Variants in ZNF608 observed in about 807,000 individuals in gnomAD.
The protein encoded by ZNF608 is zinc finger protein 608.
Under a neutral mutation model 109.0 loss-of-function variants are expected in ZNF608, and 12 were observed. The ratio of observed to expected loss-of-function variants is 0.11; its 90% CI spans 0.07 to 0.18. The LOEUF (loss-of-function observed/expected upper bound fraction) is 0.18. Ranked by LOEUF, ZNF608 falls within the 10% of genes least tolerant of loss-of-function variation. ZNF608 has a pLI of 1.00. For missense variants in ZNF608, 1,707 were observed against 1,879.3 expected, an observed-to-expected ratio of 0.91 and a Z score of 1.70; for synonymous variants, 732 against 717.4, an observed-to-expected ratio of 1.02 and a Z score of -0.33.
At chr5:124,694,244 C>T (rs1580639512) in intron 3 of ZNF608, among the ~76,000 whole-genome samples, 1 of 148,234 alleles carries the variant, frequency 6.7e-6, no homozygotes, top group African/African-American at 2.5e-5. Flanking sequence ...CCGCCCGCCT[C>T]GGCCTCCCAA....
chr5:124,744,855 T>C lies in ZNF608; in HGVS notation c.135A>G (p.Arg45=). 3 of 1,614,216 alleles carry C rather than the reference T, an allele frequency of 1.9e-6. No individual in the cohort carries two copies. The highest frequency in any genetic ancestry group is 1.1e-5 in the South Asian group (1 of 91,086). ...IDLDADLEKD[R]QKFEMNNSTT... is the part of the protein sequence containing the mutation. ...TGGAATTATTCATCTCAAATTTCTGTCTGTCCTTCTCCAAATCAGCGTCCA... is the reference window on the plus strand; with the variant it reads ...TGGAATTATTCATCTCAAATTTCTGCCTGTCCTTCTCCAAATCAGCGTCCA... Residue 45 remains arginine (R), a synonymous_variant, in exon 2 of 10, where the codon AGA becomes AGG. Transcript: ENST00000513986. The surrounding 1 kb of genome is among the most constrained non-coding windows in gnomAD (Gnocchi z 4.5).
chr5:124,720,214 T>A (rs757808034), intron 2 of ZNF608, among the ~76,000 whole-genome samples: 3 of 152,184 alleles, frequency 2.0e-5, no homozygotes, highest in Non-Finnish European at 4.4e-5. Flanking sequence ...GCGAATGTAT[T>A]TGGGGGCAAG....
rs5871098 is a variant in ZNF608, at chr5:124,665,180, C to CA, written c.1163-15484dup. 3.5e-3 allele frequency among the ~76,000 whole-genome samples: 481 copies of CA among 135,578 alleles called. 4 individuals are homozygous for CA. Among genetic ancestry groups the CA allele is most frequent in the South Asian group, 0.015 (66 of 4,326 alleles). 88.9% of individuals were successfully genotyped at this position (135,578 alleles called of 152,430 possible). On this transcript the variant is annotated intron_variant, in intron 3 of 9. Transcript: ENST00000513986. ...AACAGAGGGAGACTCCACCTCCCCC[C>CA]AAAAAAAAAAAAAAATACCATGTTC... is the stretch of plus-strand genomic sequence containing the variant.
intron 2 of ZNF608, among the ~76,000 whole-genome samples, chr5:124,709,542 G>A (rs1753408204): frequency 6.6e-6 from 1 of 152,188 alleles, no homozygotes; most frequent in South Asian, 2.1e-4. Flanking sequence ...TATTGGTGGA[G>A]GCGGAGCAGA....
intron 7 of ZNF608, among the ~76,000 whole-genome samples, chr5:124,642,125 A>G (rs553622855): frequency 9.2e-5 from 14 of 152,358 alleles, no homozygotes; most frequent in African/African-American, 2.9e-4. Flanking sequence ...TGGTTTCTCT[A>G]TAGAGTTTCT....
intron 1 of ZNF608, chr5:124,745,444 T>C (rs1749605534): frequency 6.5e-6 from 1 of 154,796 alleles, no homozygotes; most frequent in Non-Finnish European, 1.4e-5. Flanking sequence ...TTAAATTATC[T>C]TAAGGATCTG....
chr5:124,741,572 T>C (rs1749403697), intron 2 of ZNF608, among the ~76,000 whole-genome samples: 5 of 152,168 alleles, frequency 3.3e-5, no homozygotes, highest in African/African-American at 1.2e-4. Flanking sequence ...TAAAACACTG[T>C]ATAAAATGTC....
At chr5:124,710,474 C>G in intron 2 of ZNF608, 1 of 292,090 alleles carries the variant, frequency 3.4e-6, no homozygotes. Context: ...ATGCGGTGAG[C>G]TGAGATCCAT....
In ZNF608 at chr5:124,746,228, G is replaced by A. The variant is rs1749636252; in HGVS notation, c.-217C>T. ...CCTTTATCATTTTTTAATTAGGCCA[G>A]CAAATCAAAATGCCTTTCCCACTCC... On this transcript the variant is annotated 5_prime_UTR_variant, in exon 1 of 10. Coordinates refer to ENST00000513986, the MANE Select transcript of ZNF608 (RefSeq NM_020747.3). The A allele has an allele frequency of 1.0e-6, 1 of 985,228 alleles. No individual in the cohort carries two copies. Among genetic ancestry groups the A allele is most frequent in the South Asian group, 4.7e-5 (1 of 21,280 alleles). The allele number at this position is 985,228 out of a possible 1,614,324, so 61.0% of individuals were successfully genotyped here. A position where few individuals can be genotyped will look rare whatever the true frequency, so the allele number is the denominator to read the frequency against.
At position 124,701,090 on chromosome 5, in the gene ZNF608, C is replaced by T. The variant is rs1261120261; in HGVS notation, c.1086G>A (p.Glu362=). 3.7e-6 allele frequency: 6 copies of T among 1,614,172 alleles called. No homozygotes were observed. The East Asian group carries it at 1.3e-4, about 36-fold the overall frequency. The change falls in exon 3 of 10, where the codon GAG becomes GAA. Residue 362 remains glutamate (E), a synonymous_variant. Transcript: ENST00000513986. ...VNTCEVGVVT[E]PECLGPCEPG... ...GTTCACAGGGCCCAAGACACTCTGG[C>T]TCTGTCACTACTCCAACTTCACATG...
rs1750579208 is a variant in ZNF608, at chr5:124,647,538, CCAT to C, written c.2843_2845del (p.Asp948del). The C allele has an allele frequency of 6.2e-7, 1 of 1,614,224 alleles. No homozygotes were observed. The highest frequency in any genetic ancestry group is 8.5e-7 in the Non-Finnish European group (1 of 1,180,036). ...ACCCTCCGACCTGCTGTCAGAACCA[CCAT>C]CGTCAGCAGCATCAGATATGTCTGA... On this transcript the variant is annotated inframe_deletion, in exon 5 of 10. Coordinates refer to ENST00000513986, the MANE Select transcript of ZNF608 (RefSeq NM_020747.3).
intron 5 of ZNF608, among the ~76,000 whole-genome samples, chr5:124,646,145 G>A (rs985536537): frequency 2.0e-5 from 3 of 152,132 alleles, no homozygotes; most frequent in Non-Finnish European, 4.4e-5. Flanking sequence ...GGCGGATCAT[G>A]AGGTCAGGAG....
In ZNF608 at chr5:124,653,740, T is replaced by C. The variant is rs569460456; in HGVS notation, c.1163-4043A>G. ...AGGCAGCCAGCCCAACAGGGACTTA[T>C]GTTGGGAATCTGAATGAGAAATATG... On this transcript the variant is annotated intron_variant, in intron 3 of 9. Transcript: ENST00000513986. Among the ~76,000 whole-genome samples the C allele has an allele frequency of 1.2e-4, 18 of 152,186 alleles. No individual in the cohort carries two copies. The East Asian group carries it at 1.5e-3, about 13-fold the overall frequency.
At position 124,725,746 on chromosome 5, in the gene ZNF608, T is replaced by C. The variant is rs969044574; in HGVS notation, c.906+18338A>G. ...CATATTCTCTGACTTTCTCCTGTTA[T>C]AATGGAGGACTGTCCTAGCTCCAGA... On this transcript the variant is annotated intron_variant, in intron 2 of 9. Coordinates refer to ENST00000513986, the MANE Select transcript of ZNF608 (RefSeq NM_020747.3). Among the ~76,000 whole-genome samples, 4 of 152,170 alleles carry C rather than the reference T, an allele frequency of 2.6e-5. No homozygotes were observed. The East Asian group carries it at 7.7e-4, about 29-fold the overall frequency.
In ZNF608 at chr5:124,705,059, G is replaced by A. The variant is rs574401531; in HGVS notation, c.907-3790C>T. On this transcript the variant is annotated intron_variant, in intron 2 of 9. Transcript: ENST00000513986. ...TCTCTTGTGTATCTCAGTGTCAAAC[G>A]TGAAGTCACATGTATCATATGTAAA... Among the ~76,000 whole-genome samples the A allele has an allele frequency of 3.9e-4, 60 of 152,264 alleles. 1 individual carries two copies. Among genetic ancestry groups the A allele is most frequent in the Middle Eastern group, 3.4e-3 (1 of 294 alleles).
intron 2 of ZNF608, among the ~76,000 whole-genome samples, chr5:124,721,355 T>C (rs1357536010): frequency 6.6e-6 from 1 of 152,132 alleles, no homozygotes; most frequent in East Asian, 1.9e-4. Context: ...TCAACAAATA[T>C]TGACTGAGCA....
chr5:124,722,660 G>A (rs1753980663), intron 2 of ZNF608, among the ~76,000 whole-genome samples: 1 of 151,670 alleles, frequency 6.6e-6, no homozygotes, highest in South Asian at 2.1e-4. Flanking sequence ...TCTCCCTTTT[G>A]AGAAAGGGCA....
At chr5:124,656,608 C>T (rs1280350886) in intron 3 of ZNF608, among the ~76,000 whole-genome samples, 1 of 152,012 alleles carries the variant, frequency 6.6e-6, no homozygotes, top group Non-Finnish European at 1.5e-5. Context: ...AAAATGAAAC[C>T]TTAAGCAATA....
intron 2 of ZNF608, among the ~76,000 whole-genome samples, chr5:124,718,404 T>A (rs1388393423): frequency 6.6e-6 from 1 of 152,248 alleles, no homozygotes; most frequent in Non-Finnish European, 1.5e-5. Context: ...TGCAGAATTG[T>A]ACGAACTCTT....
Sources: gnomAD v4.1 joint callset for allele counts (sites outside exome capture counted in the v4.1 genomes callset) on GRCh38, gnomAD v4.1.1 for gene constraint, Gnocchi (gnomAD v3.1) non-coding constraint, MANE v1.5 for transcripts, NCBI Gene and HGNC (gene_info 2026-07-23, HGNC 2026-07-21) for gene names.